KDM4C: variants seen among roughly 807,000 people sequenced by gnomAD.
KDM4C encodes the protein lysine demethylase 4C, also known as lysine-specific demethylase 4C.
A neutral mutation model predicts 129.3 loss-of-function variants in KDM4C; 81 were observed. The observed-to-expected ratio is 0.63, with a 90% CI of 0.52 to 0.75. The LOEUF is 0.75. Among genes scored for constraint, KDM4C ranks in the 30% least tolerant of loss-of-function variants. The pLI is 0.00. For missense variants in KDM4C, 1,457 were observed against 1,304.0 expected, an observed-to-expected ratio of 1.12 and a Z score of -1.81; for synonymous variants, 573 against 456.1, an observed-to-expected ratio of 1.26 and a Z score of -3.26.
At chr9:6,861,282 G>A (rs1314607031) in intron 5 of KDM4C, among the ~76,000 whole-genome samples, 3 of 152,176 alleles carry the variant, frequency 2.0e-5, no homozygotes, top group Non-Finnish European at 4.4e-5. Context: ...CTTCCTGAGA[G>A]CAGTGGTACA....
intron 1 of KDM4C, among the ~76,000 whole-genome samples, chr9:6,764,987 T>G (rs1820334805): frequency 6.6e-6 from 1 of 152,160 alleles, no homozygotes; most frequent in Non-Finnish European, 1.5e-5. Context: ...ATCCAAAGTA[T>G]CACTTAACAC....
At position 6,952,395 on chromosome 9, in the gene KDM4C, C is replaced by T. The variant is rs1426464884; in HGVS notation, c.922-28530C>T. 2.9e-5 allele frequency among the ~76,000 whole-genome samples: 4 copies of T among 135,826 alleles called. No individual in the cohort carries two copies. In the South Asian group the frequency reaches 7.5e-4, roughly 26 times the overall value. The allele number at this position is 135,826 out of a possible 152,430, so 89.1% of individuals were successfully genotyped here. A position where few individuals can be genotyped will look rare whatever the true frequency, so the allele number is the denominator to read the frequency against. On this transcript the variant is annotated intron_variant, in intron 8 of 21. Transcript: ENST00000381309. ...ATACTTACTGATATGGGAAATTGTT[C>T]ACAGTGTGTATGTGTGTATATATAT...
intron 21 of KDM4C, among the ~76,000 whole-genome samples, chr9:7,173,697 A>G (rs1845180268): frequency 6.6e-6 from 1 of 152,224 alleles, no homozygotes; most frequent in Non-Finnish European, 1.5e-5. Flanking sequence ...GGCCAATGTA[A>G]CTGGGTGCAT....
At chr9:7,063,135 A>C (rs956220931) in intron 17 of KDM4C, among the ~76,000 whole-genome samples, 3 of 152,250 alleles carry the variant, frequency 2.0e-5, no homozygotes, top group Admixed American at 6.5e-5. Flanking sequence ...TTAGTAAAAT[A>C]ATGTATCATA....
intron 1 of KDM4C, among the ~76,000 whole-genome samples, chr9:6,782,561 C>T (rs1824593150): frequency 6.6e-6 from 1 of 151,996 alleles, no homozygotes; most frequent in South Asian, 2.1e-4. Flanking sequence ...TAACGGCGTA[C>T]ACGTGACACA....
chr9:6,874,724 C>G (rs1470437702), intron 5 of KDM4C, among the ~76,000 whole-genome samples: 1 of 152,066 alleles, frequency 6.6e-6, no homozygotes, highest in African/African-American at 2.4e-5. Flanking sequence ...TCGTAGGCAA[C>G]ATAGCTCTGG....
At chr9:7,136,418 A>T (rs898276634) in intron 19 of KDM4C, among the ~76,000 whole-genome samples, 4 of 152,220 alleles carry the variant, frequency 2.6e-5, no homozygotes, top group Admixed American at 2.6e-4. Context: ...CTGTTTTCCA[A>T]AGTGGCTGTG....
At chr9:7,107,138 G>T (rs1169705642) in intron 18 of KDM4C, among the ~76,000 whole-genome samples, 1 of 152,196 alleles carries the variant, frequency 6.6e-6, no homozygotes, top group East Asian at 1.9e-4. Flanking sequence ...GTGCTCATCT[G>T]TCGGTGTGTG....
chr9:6,857,094 A>G (rs1839995077), intron 5 of KDM4C, among the ~76,000 whole-genome samples: 1 of 152,110 alleles, frequency 6.6e-6, no homozygotes, highest in South Asian at 2.1e-4. Context: ...CCAGGGCTCA[A>G]TCAATCCTCC....
intron 8 of KDM4C, among the ~76,000 whole-genome samples, chr9:6,901,860 G>A (rs886818001): frequency 1.3e-5 from 2 of 152,180 alleles, no homozygotes; most frequent in Non-Finnish European, 2.9e-5. Flanking sequence ...AAGACATGTA[G>A]TTTCTGTATA....
At chr9:7,071,844 C>T (rs971898888) in intron 17 of KDM4C, among the ~76,000 whole-genome samples, 1 of 152,118 alleles carries the variant, frequency 6.6e-6, no homozygotes, top group Non-Finnish European at 1.5e-5. Context: ...CCACCCTGAA[C>T]ACACCTGATC....
At chr9:7,146,720 C>T (rs1323737181) in intron 19 of KDM4C, among the ~76,000 whole-genome samples, 2 of 152,212 alleles carry the variant, frequency 1.3e-5, no homozygotes, top group African/African-American at 2.4e-5. Flanking sequence ...CAGCCCCACC[C>T]ATCTACTTAT....
intron 17 of KDM4C, among the ~76,000 whole-genome samples, chr9:7,069,189 A>G (rs559916554): frequency 6.6e-6 from 1 of 152,176 alleles, no homozygotes; most frequent in Non-Finnish European, 1.5e-5. Flanking sequence ...TGTTATTATG[A>G]TGTATTACAC....
At chr9:7,061,925 T>A (rs1408155903) in intron 17 of KDM4C, among the ~76,000 whole-genome samples, 2 of 152,246 alleles carry the variant, frequency 1.3e-5, no homozygotes, top group African/African-American at 4.8e-5. Context: ...CAGAGACACC[T>A]GGTATCACCA....
intron 4 of KDM4C, among the ~76,000 whole-genome samples, chr9:6,841,977 T>C (rs960434825): frequency 2.0e-5 from 3 of 152,246 alleles, no homozygotes; most frequent in Admixed American, 6.5e-5. Context: ...CATTTTACTT[T>C]GTTTTTCTTT....
At chr9:6,952,919 G>T (rs929715075) in intron 8 of KDM4C, among the ~76,000 whole-genome samples, 4 of 152,160 alleles carry the variant, frequency 2.6e-5, no homozygotes, top group African/African-American at 9.7e-5. Context: ...TTGCAGTCGG[G>T]GGAGGGAGAT....
At chr9:7,059,363 G>T (rs970161599) in intron 17 of KDM4C, among the ~76,000 whole-genome samples, 1 of 152,056 alleles carries the variant, frequency 6.6e-6, no homozygotes, top group East Asian at 1.9e-4. Context: ...TCGACCTCCC[G>T]AGTAGCTGGG....
At chr9:6,926,855 G>C (rs1044694235) in intron 8 of KDM4C, among the ~76,000 whole-genome samples, 16 of 152,142 alleles carry the variant, frequency 1.1e-4, no homozygotes, top group African/African-American at 3.6e-4. Flanking sequence ...GGCAATTCTT[G>C]ACTGCATTAC....
Position 6,814,618 on chromosome 9 carries a change from C to G in KDM4C, c.321-13C>G, listed in dbSNP as rs1212841177. On this transcript the variant is annotated splice_polypyrimidine_tract_variant and intron_variant, in intron 3 of 21. Transcript: ENST00000381309. Reference sequence around the variant, plus strand: ...TTACTGGTTTGTACATTTTTGTCATCTACCTTTTACAGATATTGTACTCCA... The same window carrying G: ...TTACTGGTTTGTACATTTTTGTCATGTACCTTTTACAGATATTGTACTCCA... 7.3e-6 allele frequency: 11 copies of G among 1,514,312 alleles called. No homozygotes were observed. Among genetic ancestry groups the G allele is most frequent in the Non-Finnish European group, 1.0e-5 (11 of 1,105,140 alleles). 93.8% of individuals were successfully genotyped at this position (1,514,312 alleles called of 1,614,324 possible).
Sources: allele counts gnomAD v4.1 joint callset (sites outside exome capture counted in the v4.1 genomes callset), GRCh38; gene constraint gnomAD v4.1.1; transcripts MANE v1.5; gene names NCBI Gene and HGNC (gene_info 2026-07-23, HGNC 2026-07-21).